SCN8A: variants seen among roughly 807,000 people sequenced by gnomAD.
SCN8A encodes sodium voltage-gated channel alpha subunit 8.
SCN8A carries 30 observed loss-of-function variants against 184.1 expected under a neutral mutation model. The ratio of observed to expected loss-of-function variants is 0.16; its 90% CI spans 0.12 to 0.22. The LOEUF (loss-of-function observed/expected upper bound fraction) is 0.22, where lower values mean the gene tolerates loss of function less well. Among genes scored for constraint, SCN8A ranks in the 10% least tolerant of loss-of-function variants. SCN8A has a pLI of 1.00. For missense variants in SCN8A, 1,057 were observed against 2,498.9 expected, an observed-to-expected ratio of 0.42 and a Z score of 12.30; for synonymous variants, 852 against 907.0, an observed-to-expected ratio of 0.94 and a Z score of 1.09.
chr12:51,616,146 A>T (rs1390858519), intron 1 of SCN8A, among the ~76,000 whole-genome samples: 1 of 152,120 alleles, frequency 6.6e-6, no homozygotes, highest in East Asian at 1.9e-4. Flanking sequence ...TTTCCCTGTA[A>T]TATTATTTTC....
At chr12:51,681,514 C>T (rs1941332618) in intron 2 of SCN8A, among the ~76,000 whole-genome samples, 1 of 152,054 alleles carries the variant, frequency 6.6e-6, no homozygotes, top group Non-Finnish European at 1.5e-5. Context: ...TGGGGGAAGC[C>T]CTGGGCTGTT....
At chr12:51,794,039 G>A (rs1193855847) in intron 25 of SCN8A, among the ~76,000 whole-genome samples, 3 of 151,996 alleles carry the variant, frequency 2.0e-5, no homozygotes, top group East Asian at 1.9e-4. Flanking sequence ...CCAGCTACTC[G>A]GGAGACTGAG....
At chr12:51,761,077 T>G (rs932813140) in intron 14 of SCN8A, among the ~76,000 whole-genome samples, 3 of 152,186 alleles carry the variant, frequency 2.0e-5, no homozygotes, top group Non-Finnish European at 4.4e-5. Flanking sequence ...AAATCTATTG[T>G]AAAAATAAGT....
chr12:51,661,582 T>C (rs766042117), intron 1 of SCN8A, among the ~76,000 whole-genome samples: 3 of 152,084 alleles, frequency 2.0e-5, no homozygotes, highest in Non-Finnish European at 1.5e-5. Context: ...GAAGTGGACC[T>C]TGAGGGCTAA....
chr12:51,745,583 C>T (rs546424631), intron 12 of SCN8A, among the ~76,000 whole-genome samples: 12 of 152,286 alleles, frequency 7.9e-5, no homozygotes, highest in South Asian at 2.1e-4. Context: ...GGGTCTACTT[C>T]GGATGACAGT....
At position 51,754,266 on chromosome 12, in the gene SCN8A, G is replaced by A. The variant is rs949996181; in HGVS notation, c.2370+2673G>A. 2.0e-5 allele frequency among the ~76,000 whole-genome samples: 3 copies of A among 151,044 alleles called. No individual in the cohort carries two copies. In the South Asian group the frequency reaches 6.3e-4, roughly 32 times the overall value. ...GAATACAATAGTAAGTTTATGAGGT[G>A]ACTTTTTAAACATTCTGAATCTTAC... On this transcript the variant is annotated intron_variant, in intron 14 of 26. Transcript: ENST00000627620.
intron 16 of SCN8A, chr12:51,766,242 A>G (rs1942835936): frequency 3.4e-6 from 2 of 580,836 alleles, no homozygotes; most frequent in Non-Finnish European, 3.0e-6. Flanking sequence ...CAACTTGTCA[A>G]CCCTTTTCCT....
chr12:51,610,169 CAAAAA>C (rs398019572), intron 1 of SCN8A, among the ~76,000 whole-genome samples: 1 of 55,932 alleles, frequency 1.8e-5, no homozygotes, highest in South Asian at 1.1e-3. Context: ...AACTCTGTCT[CAAAAA>C]AAAAAAAAAA....
At chr12:51,687,741 A>G (rs1941442337) in intron 5 of SCN8A, among the ~76,000 whole-genome samples, 1 of 152,172 alleles carries the variant, frequency 6.6e-6, no homozygotes, top group Non-Finnish European at 1.5e-5. Context: ...ATTTCGAACT[A>G]TTGCTCAAGA....
At chr12:51,752,473 A>C (rs1007540237) in intron 14 of SCN8A, among the ~76,000 whole-genome samples, 2 of 152,104 alleles carry the variant, frequency 1.3e-5, no homozygotes, top group Non-Finnish European at 2.9e-5. Flanking sequence ...TCCTATTACT[A>C]TACTATTAGA....
At chr12:51,659,318 G>C (rs921358750) in intron 1 of SCN8A, among the ~76,000 whole-genome samples, 1 of 152,180 alleles carries the variant, frequency 6.6e-6, no homozygotes, top group Admixed American at 6.5e-5. Flanking sequence ...GGTGGTTATT[G>C]ATGGCTCATG....
chr12:51,736,250 C>G (rs192710734), intron 12 of SCN8A, among the ~76,000 whole-genome samples: 424 of 152,222 alleles, frequency 2.8e-3, no homozygotes, highest in Middle Eastern at 0.014. Flanking sequence ...TAATAGAAGC[C>G]CATCACCACA....
At chr12:51,774,691 G>C (rs1937632997) in intron 20 of SCN8A, among the ~76,000 whole-genome samples, 1 of 152,158 alleles carries the variant, frequency 6.6e-6, no homozygotes, top group African/African-American at 2.4e-5. Context: ...TCTTGCCCCA[G>C]GCCAGCAGGA....
chr12:51,772,454 A>G (rs549381302), intron 19 of SCN8A, among the ~76,000 whole-genome samples: 1 of 151,834 alleles, frequency 6.6e-6, no homozygotes, highest in Non-Finnish European at 1.5e-5. Flanking sequence ...AAGAAACTAG[A>G]ACGTGGTTAC....
At chr12:51,799,446 G>A (rs1426121954) in intron 26 of SCN8A, among the ~76,000 whole-genome samples, 1 of 152,158 alleles carries the variant, frequency 6.6e-6, no homozygotes, top group Non-Finnish European at 1.5e-5. Context: ...GCCAAGAGCC[G>A]TCCCTCAAAA....
At chr12:51,763,894 A>C (rs147454897) in intron 15 of SCN8A, among the ~76,000 whole-genome samples, 1 of 152,400 alleles carries the variant, frequency 6.6e-6, no homozygotes, top group Non-Finnish European at 1.5e-5. Flanking sequence ...GTTCTAAGAA[A>C]GAACTGGAAA....
chr12:51,612,495 G>A (rs969672752), intron 1 of SCN8A, among the ~76,000 whole-genome samples: 1 of 152,088 alleles, frequency 6.6e-6, no homozygotes, highest in South Asian at 2.1e-4. Context: ...TTATCAGGTC[G>A]GGTAAGTTCC....
intron 1 of SCN8A, among the ~76,000 whole-genome samples, chr12:51,631,760 T>C (rs531624348): frequency 2.0e-4 from 31 of 152,362 alleles, no homozygotes; most frequent in African/African-American, 7.2e-4. Flanking sequence ...TGGGCCTGAC[T>C]CACAGGAGAG....
At chr12:51,661,395 G>A (rs530166114) in intron 1 of SCN8A, among the ~76,000 whole-genome samples, 23 of 152,230 alleles carry the variant, frequency 1.5e-4, no homozygotes, top group African/African-American at 5.1e-4. Context: ...CAAGCTGACC[G>A]GCCCTCATAC....
Sources: allele counts gnomAD v4.1 joint callset (sites outside exome capture counted in the v4.1 genomes callset), GRCh38; gene constraint gnomAD v4.1.1; transcripts MANE v1.5; gene names NCBI Gene and HGNC (gene_info 2026-07-23, HGNC 2026-07-21).